Variants in PLSCR2 observed in about 807,000 individuals in gnomAD.
PLSCR2 encodes the protein phospholipid scramblase 2.
A neutral mutation model predicts 25.3 loss-of-function variants in PLSCR2; 18 were observed. The observed-to-expected ratio is 0.71, with a 90% CI of 0.49 to 1.06. PLSCR2 has a LOEUF of 1.06. PLSCR2 is among the 50% of genes least tolerant of loss of function. The pLI is 0.00. For missense variants in PLSCR2, 243 were observed against 269.5 expected, an observed-to-expected ratio of 0.90 and a Z score of 0.69; for synonymous variants, 88 against 87.3, an observed-to-expected ratio of 1.01 and a Z score of -0.04.
intron 2 of PLSCR2, among the ~76,000 whole-genome samples, chr3:146,428,044 A>T (rs1009805938): frequency 6.6e-6 from 1 of 152,170 alleles, no homozygotes; most frequent in African/African-American, 2.4e-5. Context: ...ATTGCAAAAC[A>T]AAGGATTTTG....
upstream of PLSCR2, among the ~76,000 whole-genome samples, chr3:146,462,343 C>T (rs1411013166): frequency 1.3e-5 from 2 of 151,918 alleles, no homozygotes; most frequent in African/African-American, 4.8e-5. Context: ...CCTCCTGTCT[C>T]GCCCTCCCAA....
At chr3:146,419,014 C>T (rs1320971159) in intron 2 of PLSCR2, among the ~76,000 whole-genome samples, 2 of 152,108 alleles carry the variant, frequency 1.3e-5, no homozygotes, top group African/African-American at 4.8e-5. Flanking sequence ...ATTGAATGTG[C>T]TCATTTTAGT....
chr3:146,453,376 A>C (rs999531858), intron 5 of PLSCR2, among the ~76,000 whole-genome samples: 2 of 152,136 alleles, frequency 1.3e-5, no homozygotes, highest in Admixed American at 6.5e-5. Context: ...AAACATTTGC[A>C]ACTAAATGAT....
exon 1 of PLSCR2, chr3:146,460,390 G>T: frequency 5.4e-6 from 1 of 184,538 alleles, no homozygotes. Flanking sequence ...ATGATCTAAA[G>T]TGATCTATAT....
intron 1 of PLSCR2, among the ~76,000 whole-genome samples, chr3:146,483,509 A>ATATATATACATGTGTATAT (rs1553791539): frequency 7.9e-6 from 1 of 127,074 alleles, no homozygotes. Context: ...ATATATATAT[A>ATATATATACATGTGTATAT]ATGTTACTAC....
At chr3:146,469,752 C>A (rs530755504) in intron 1 of PLSCR2, among the ~76,000 whole-genome samples, 191 bp from the exon 1 acceptor site, 1 of 151,302 alleles carries the variant, frequency 6.6e-6, no homozygotes, top group Admixed American at 6.6e-5. Flanking sequence ...TGCTGGAGCG[C>A]GGCCGAGCTG....
chr3:146,431,778 T>C (rs2039554500), downstream of PLSCR2, among the ~76,000 whole-genome samples: 1 of 151,872 alleles, frequency 6.6e-6, no homozygotes, highest in Admixed American at 6.6e-5. Context: ...TACAACATAC[T>C]TGAAACTAAG....
chr3:146,440,601 G>A (rs531268198), downstream of PLSCR2, among the ~76,000 whole-genome samples: 17 of 152,256 alleles, frequency 1.1e-4, no homozygotes, highest in South Asian at 3.5e-3. Context: ...CTCCTGGTGT[G>A]CCATTTTCTC....
intron 2 of PLSCR2, among the ~76,000 whole-genome samples, chr3:146,412,763 A>G (rs577141103): frequency 1.5e-3 from 233 of 152,158 alleles, no homozygotes; most frequent in South Asian, 6.4e-3. Context: ...TCGTTCCCCT[A>G]TTGGCTAGGG....
At chr3:146,483,509 A>ATATATATATATACACGTGTATATAT (rs1553791539) in intron 1 of PLSCR2, among the ~76,000 whole-genome samples, 1 of 127,074 alleles carries the variant, frequency 7.9e-6, no homozygotes, top group Non-Finnish European at 1.7e-5. Context: ...ATATATATAT[A>ATATATATATATACACGTGTATATAT]ATGTTACTAC....
At chr3:146,441,208 A>G (rs1235160338), downstream of PLSCR2, among the ~76,000 whole-genome samples, 2 of 152,162 alleles carry the variant, frequency 1.3e-5, no homozygotes, top group African/African-American at 4.8e-5. Context: ...CCTGGGTGAC[A>G]GAGCTAGACT....
chr3:146,472,577 G>A (rs1560043503), intron 1 of PLSCR2, among the ~76,000 whole-genome samples: 1 of 152,064 alleles, frequency 6.6e-6, no homozygotes, highest in Non-Finnish European at 1.5e-5. Context: ...AAAGTGGAAG[G>A]GACGAGGGAT....
At chr3:146,432,053 T>A (rs1037248557), downstream of PLSCR2, among the ~76,000 whole-genome samples, 19 of 152,156 alleles carry the variant, frequency 1.2e-4, no homozygotes, top group Admixed American at 1.0e-3. Context: ...TCTAAAATGT[T>A]ACTCATTTTC....
intron 5 of PLSCR2, among the ~76,000 whole-genome samples, chr3:146,451,915 T>G (rs1261633097): frequency 6.6e-6 from 1 of 152,166 alleles, no homozygotes; most frequent in Non-Finnish European, 1.5e-5. Context: ...TCTACTAACC[T>G]CTTCATCTGG....
exon 2 of PLSCR2, chr3:146,459,874 G>T: frequency 6.2e-7 from 1 of 1,613,346 alleles, no homozygotes; most frequent in Non-Finnish European, 8.5e-7. Context: ...AATCCTGGCG[G>T]ACAGTTTAAT....
At chr3:146,392,885 T>G (rs2038131675) in intron 3 of PLSCR2, among the ~76,000 whole-genome samples, 1 of 150,438 alleles carries the variant, frequency 6.6e-6, no homozygotes, top group Non-Finnish European at 1.5e-5. Context: ...CTTTAGCTAA[T>G]TAATTTAGCT....
chr3:146,443,463 A>C (rs1356897821), intron 6 of PLSCR2, among the ~76,000 whole-genome samples: 1 of 151,674 alleles, frequency 6.6e-6, no homozygotes, highest in African/African-American at 2.4e-5. Flanking sequence ...TTCAGGTTTT[A>C]GATTTTTTCA....
At chr3:146,426,238 CCT>C (rs1253745825) in intron 2 of PLSCR2, among the ~76,000 whole-genome samples, 13 of 141,338 alleles carry the variant, frequency 9.2e-5, no homozygotes. Context: ...TCCTTCCCTC[CCT>C]CTCTCCCTCT....
At chr3:146,493,033 A>G (rs2043607894) in intron 1 of PLSCR2, among the ~76,000 whole-genome samples, 1 of 152,048 alleles carries the variant, frequency 6.6e-6, no homozygotes, top group Admixed American at 6.5e-5. Flanking sequence ...AAACACTTCT[A>G]TGTACACATA....
Sources: allele counts gnomAD v4.1 joint callset (sites outside exome capture counted in the v4.1 genomes callset), GRCh38; gene constraint gnomAD v4.1.1; transcripts MANE v1.5; gene names NCBI Gene and HGNC (gene_info 2026-07-23, HGNC 2026-07-21).